FAM169A: variants seen among roughly 807,000 people sequenced by gnomAD.
FAM169A encodes the protein soluble lamin-associated protein of 75 kDa.
Under a neutral mutation model 75.7 loss-of-function variants are expected in FAM169A, and 24 were observed. The ratio of observed to expected loss-of-function variants is 0.32; its 90% confidence interval spans 0.23 to 0.45. The LOEUF (loss-of-function observed/expected upper bound fraction) is 0.45, where lower values mean the gene tolerates loss of function less well. FAM169A is among the 20% of genes least tolerant of loss of function. The pLI is 1.00. For synonymous variants in FAM169A, 271 were observed against 271.0 expected, an observed-to-expected ratio of 1.00 and a Z score of 0.00; for missense variants, 673 against 784.0, an observed-to-expected ratio of 0.86 and a Z score of 1.69.
chr5:74,859,283 TTC>T (rs1749909757), intron 1 of FAM169A, among the ~76,000 whole-genome samples: 1 of 150,770 alleles, frequency 6.6e-6, no homozygotes, highest in Non-Finnish European at 1.5e-5. Context: ...AATGAAGGTT[TTC>T]TCTTTTTTTT....
chr5:74,834,515 A>T lies in FAM169A; in HGVS notation c.401T>A (p.Ile134Asn), dbSNP rs528471860. 107 of 1,604,764 alleles carry T rather than the reference A, an allele frequency of 6.7e-5. No homozygotes were observed. In the African/African-American group the frequency reaches 1.4e-3, roughly 21 times the overall value. Residue 134 changes from isoleucine (I) to asparagine (N), a missense_variant, in exon 5 of 13, where the codon ATC (isoleucine) becomes AAC (asparagine). Physicochemically the swap from Ile to Asn is moderately radical, Grantham distance 149 (BLOSUM62 -3). This residue lies in a region of FAM169A where 107 missense variants were observed against 180.8 expected (regional missense o/e 0.59). Coordinates refer to ENST00000687041, the MANE Select transcript of FAM169A (RefSeq NM_001376049.1). Reference protein sequence around the residue: ...YRKQEMERNEIPFLCHSSTDY... With the variant: ...YRKQEMERNENPFLCHSSTDY... ...AGTACTGCTATGACACAGGAATGGG[A>T]TCTCATTTCTCTCCATTTCCTGTTT... is the stretch of plus-strand genomic sequence containing the variant.
chr5:74,793,248 C>G (rs894342472), intron 11 of FAM169A, among the ~76,000 whole-genome samples: 3 of 149,406 alleles, frequency 2.0e-5, no homozygotes, highest in Non-Finnish European at 3.0e-5. Context: ...TCACTTGAAC[C>G]AGGGAGTTGG....
chr5:74,828,454 G>A (rs1426057277), intron 5 of FAM169A, among the ~76,000 whole-genome samples: 1 of 152,122 alleles, frequency 6.6e-6, no homozygotes, highest in Admixed American at 6.6e-5. Context: ...GGAGAAGGAA[G>A]ATAATTTATT....
rs1745350717 is a variant in FAM169A at position 74,780,336 on chromosome 5, C to T, written c.*1124G>A. The T allele has an allele frequency of 6.6e-6, 1 of 152,192 alleles. No individual in the cohort carries two copies. The highest frequency in any genetic ancestry group is 6.5e-5 in the Admixed American group (1 of 15,272). 9.4% of individuals were successfully genotyped at this position (152,192 alleles called of 1,614,324 possible). A position where few individuals can be genotyped will look rare whatever the true frequency, so the allele number is the denominator to read the frequency against. ...TTTTACTCCTGCCATATAGGTCTAACATTGTGGGGTGCACCTCCAAACCTA... is the reference window on the plus strand; with the variant it reads ...TTTTACTCCTGCCATATAGGTCTAATATTGTGGGGTGCACCTCCAAACCTA... On this transcript the variant is annotated 3_prime_UTR_variant, in exon 13 of 13. Coordinates refer to ENST00000687041, the MANE Select transcript of FAM169A (RefSeq NM_001376049.1).
chr5:74,863,128 T>C (rs1476706540), intron 1 of FAM169A, among the ~76,000 whole-genome samples: 1 of 151,916 alleles, frequency 6.6e-6, no homozygotes, highest in Non-Finnish European at 1.5e-5. Context: ...ATACAGAGCA[T>C]GTAAACGTTA....
At chr5:74,838,526 G>A (rs1380137181) in intron 4 of FAM169A, among the ~76,000 whole-genome samples, 2 of 152,220 alleles carry the variant, frequency 1.3e-5, no homozygotes, top group Non-Finnish European at 2.9e-5. Context: ...TAACCCTGCC[G>A]AGGTTGGAAG....
In FAM169A at chr5:74,866,242, G is replaced by A; in HGVS notation, c.-81C>T. 4.1e-6 allele frequency: 4 copies of A among 983,674 alleles called. No individual in the cohort carries two copies. The highest frequency in any genetic ancestry group is 4.8e-6 in the Non-Finnish European group (4 of 829,074). 60.9% of individuals were successfully genotyped at this position (983,674 alleles called of 1,614,324 possible). On this transcript the variant is annotated 5_prime_UTR_variant, in exon 1 of 13. Coordinates refer to ENST00000687041, the MANE Select transcript of FAM169A (RefSeq NM_001376049.1). Reference sequence around the variant, plus strand: ...GCGCGAATGAATGGAGCCGGCGGCTGCTCGCTGGCGACCTCCGGCCGGTCC... The same window carrying A: ...GCGCGAATGAATGGAGCCGGCGGCTACTCGCTGGCGACCTCCGGCCGGTCC...
intron 1 of FAM169A, among the ~76,000 whole-genome samples, chr5:74,862,203 AAAAG>A (rs1750072503): frequency 6.6e-6 from 1 of 152,174 alleles, no homozygotes; most frequent in African/African-American, 2.4e-5. Flanking sequence ...GCTCTTCCTA[AAAAG>A]AGAGAGAGAA....
intron 1 of FAM169A, among the ~76,000 whole-genome samples, chr5:74,843,556 AT>A (rs1748994391): frequency 1.3e-5 from 2 of 152,200 alleles, no homozygotes; most frequent in Non-Finnish European, 2.9e-5. Context: ...GAGACATCTC[AT>A]TTGGCGGGGA....
At chr5:74,848,493 TA>T (rs1430013317) in intron 1 of FAM169A, 2 of 152,194 alleles carry the variant, frequency 1.3e-5, no homozygotes, top group African/African-American at 2.4e-5. Flanking sequence ...TTTTCTTTTG[TA>T]AAATATAACG....
intron 10 of FAM169A, among the ~76,000 whole-genome samples, chr5:74,798,025 T>C (rs1746369077): frequency 1.3e-5 from 2 of 152,230 alleles, no homozygotes; most frequent in Non-Finnish European, 2.9e-5. Flanking sequence ...TTGGTGGACC[T>C]TTACACTAGA....
chr5:74,856,406 A>T (rs1199663981), intron 1 of FAM169A, among the ~76,000 whole-genome samples: 3 of 152,160 alleles, frequency 2.0e-5, no homozygotes, highest in African/African-American at 7.2e-5. Context: ...TGATTCTTCC[A>T]ATATATGGAC....
chr5:74,864,688 AT>A (rs1750219892), intron 1 of FAM169A, among the ~76,000 whole-genome samples: 1 of 152,218 alleles, frequency 6.6e-6, no homozygotes, highest in African/African-American at 2.4e-5. Flanking sequence ...CACATAAGCT[AT>A]TTCTAAGTTC....
chr5:74,842,750 T>C (rs1049960797), intron 1 of FAM169A, among the ~76,000 whole-genome samples: 1 of 151,768 alleles, frequency 6.6e-6, no homozygotes, highest in Non-Finnish European at 1.5e-5. Context: ...AAGATTTTAA[T>C]GGGGAAACAC....
At chr5:74,836,341 CCTTCACAG>C (rs1748573626) in intron 4 of FAM169A, among the ~76,000 whole-genome samples, 2 of 151,832 alleles carry the variant, frequency 1.3e-5, no homozygotes, top group African/African-American at 4.8e-5. Flanking sequence ...TTAATTCTGC[CCTTCACAG>C]ATTAGCTCCT....
rs780753857 is a variant in FAM169A, at chr5:74,841,605, C to T, written c.72G>A (p.Met24Ile). The change falls in exon 2 of 13, where the codon ATG becomes ATA. Residue 24 changes from methionine to isoleucine, a missense_variant. By Grantham distance (10) the Met-to-Ile change is conservative. Transcript: ENST00000687041. The part of the protein sequence containing the change: ...EELENSAEDY[M>I]SDLRCGDPEN... Reference sequence around the variant, plus strand: ...CAGGGTCCCCACACCTTAAATCTGACATGTAATCTTCAGCAGAATTTTCCA... The same window carrying T: ...CAGGGTCCCCACACCTTAAATCTGATATGTAATCTTCAGCAGAATTTTCCA... 4 of 1,612,988 alleles carry T rather than the reference C, an allele frequency of 2.5e-6. No homozygotes were observed. The highest frequency in any genetic ancestry group is 3.4e-6 in the Non-Finnish European group (4 of 1,179,162).
chr5:74,840,785 T>C (rs1313816628), intron 2 of FAM169A, among the ~76,000 whole-genome samples: 1 of 149,732 alleles, frequency 6.7e-6, no homozygotes, highest in Non-Finnish European at 1.5e-5. Flanking sequence ...GCCAAGATCG[T>C]GCCAATGCAC....
intron 5 of FAM169A, among the ~76,000 whole-genome samples, chr5:74,832,592 T>A (rs1290529454): frequency 1.3e-5 from 2 of 149,964 alleles, no homozygotes; most frequent in Admixed American, 6.7e-5. Flanking sequence ...AGTATATATA[T>A]GAAATATGTT....
intron 5 of FAM169A, among the ~76,000 whole-genome samples, chr5:74,823,485 T>C (rs540491932): frequency 6.6e-6 from 1 of 152,294 alleles, no homozygotes; most frequent in South Asian, 2.1e-4. Context: ...ATGTATTACT[T>C]ACAAAACTGA....
Sources: gnomAD v4.1 joint callset for allele counts (sites outside exome capture counted in the v4.1 genomes callset) on GRCh38, gnomAD v4.1.1 for gene constraint, gnomAD v4.1.1 regional missense constraint, MANE v1.5 for transcripts, NCBI Gene and HGNC (gene_info 2026-07-23, HGNC 2026-07-21) for gene names.